Variants in CARD8 observed in about 807,000 individuals in gnomAD.
CARD8 encodes the protein caspase recruitment domain-containing protein 8.
A neutral mutation model predicts 53.2 loss-of-function variants in CARD8; 38 were observed. That is an observed-to-expected ratio of 0.71 (90% CI 0.55 to 0.94). The LOEUF (loss-of-function observed/expected upper bound fraction) is 0.94, where lower values mean the gene tolerates loss of function less well. Ranked by LOEUF, CARD8 falls within the 40% of genes least tolerant of loss-of-function variation. The probability of loss-of-function intolerance (pLI) is 0.00; values close to 1 mark genes in which losing one functional copy is unlikely to be tolerated. For synonymous variants in CARD8, 245 were observed against 244.9 expected, an observed-to-expected ratio of 1.00 and a Z score of 0.00; for missense variants, 561 against 655.5, an observed-to-expected ratio of 0.86 and a Z score of 1.57.
chr19:48,218,201 A>G (rs1423945892), intron 12 of CARD8, among the ~76,000 whole-genome samples: 2 of 151,666 alleles, frequency 1.3e-5, no homozygotes. Context: ...TTTTATTCAA[A>G]CTATTTTTTT....
intron 10 of CARD8, among the ~76,000 whole-genome samples, chr19:48,229,407 G>A (rs772196523): frequency 4.6e-5 from 7 of 152,156 alleles, no homozygotes; most frequent in Non-Finnish European, 8.8e-5. Flanking sequence ...AGAATTCACT[G>A]GAATGTATGT....
In CARD8 at chr19:48,220,987, AAG is replaced by A. The variant is rs1568696754; in HGVS notation, c.1161+741_1161+742del. Among the ~76,000 whole-genome samples, 318 of 101,272 alleles carry A rather than the reference AAG, an allele frequency of 3.1e-3. 3 individuals carry two copies. The highest frequency in any genetic ancestry group is 8.4e-3 in the African/African-American group (219 of 25,990). The allele number at this position is 101,272 out of a possible 152,430, so 66.4% of individuals were successfully genotyped here. A position where few individuals can be genotyped will look rare whatever the true frequency, so the allele number is the denominator to read the frequency against. On this transcript the variant is annotated intron_variant, in intron 11 of 13. Transcript: ENST00000651546. Reference sequence around the variant, plus strand: ...GAAGGAAGGAAGGAAGGAAGGAAGGAAGGAAGGAAAGAAAGAAAGAAAAAGAA... The same window carrying A: ...GAAGGAAGGAAGGAAGGAAGGAAGGAGAAGGAAAGAAAGAAAGAAAAAGAA...
chr19:48,213,921 CT>C (rs2038609566), intron 13 of CARD8, among the ~76,000 whole-genome samples: 1 of 152,198 alleles, frequency 6.6e-6, no homozygotes, highest in Non-Finnish European at 1.5e-5. Flanking sequence ...AACTTTTATT[CT>C]TGGACTTTCA....
intron 13 of CARD8, 76 bp from the exon 14 acceptor site, chr19:48,212,051 C>T: frequency 7.1e-7 from 1 of 1,407,970 alleles, no homozygotes; most frequent in Non-Finnish European, 9.7e-7. Flanking sequence ...AGCTTAGAGT[C>T]AAAATTCAGG....
chr19:48,218,384 T>C (rs1281540905), intron 12 of CARD8, among the ~76,000 whole-genome samples: 1 of 146,830 alleles, frequency 6.8e-6, no homozygotes, highest in Admixed American at 7.0e-5. Context: ...TCAGATGGAG[T>C]TTCGCTCTTA....
rs1295810479 is a variant in CARD8 at position 48,241,014 on chromosome 19, T to C, written c.7A>G (p.Lys3Glu). ME[K>E]KECPEKSSSS... ...CTACTCTTTTCTGGACACTCCTTTT[T>C]TTCCATTTGTCAAATGTGGTATTTA... Residue 3 changes from lysine to glutamate, a missense_variant, in exon 4 of 14, where the codon AAA becomes GAA. Coordinates refer to ENST00000651546, the MANE Select transcript of CARD8 (RefSeq NM_001184900.3). 1.3e-6 allele frequency: 2 copies of C among 1,535,956 alleles called. No homozygotes were observed. The highest frequency in any genetic ancestry group is 2.4e-5 in the East Asian group (1 of 41,046).
At chr19:48,255,720 G>C (rs1335931650) in intron 1 of CARD8, 72 bp downstream of exon 1, 1 of 152,184 alleles carries the variant, frequency 6.6e-6, no homozygotes, top group Admixed American at 6.5e-5. Flanking sequence ...ACAGAACACA[G>C]AGCAGCCTGG....
At chr19:48,206,491 T>C (rs770473258), downstream of CARD8, 7 of 461,560 alleles carry the variant, frequency 1.5e-5, no homozygotes, top group East Asian at 1.4e-4. Context: ...CTAGGCAAGA[T>C]TGGGCAGCAT....
At chr19:48,218,447 T>C (rs563029292) in intron 12 of CARD8, among the ~76,000 whole-genome samples, 45 of 149,778 alleles carry the variant, frequency 3.0e-4, no homozygotes, top group Non-Finnish European at 4.0e-4. Context: ...AACCCCCTCC[T>C]GGGTTCAGGT....
At chr19:48,213,675 A>G (rs1412152079) in intron 13 of CARD8, among the ~76,000 whole-genome samples, 1 of 152,022 alleles carries the variant, frequency 6.6e-6, no homozygotes, top group Non-Finnish European at 1.5e-5. Context: ...CACCCAGCCA[A>G]CTCTTTATAT....
chr19:48,245,905 G>A (rs6509367), intron 3 of CARD8, among the ~76,000 whole-genome samples: 37,973 of 148,596 alleles, frequency 0.26, 5,602 homozygotes, highest in African/African-American at 0.4. Flanking sequence ...ATTGTAATAT[G>A]ATAATTACAT....
rs536857328 is a variant in CARD8 at position 48,230,603 on chromosome 19, G to A, written c.870C>T (p.Val290=). 2.5e-6 allele frequency: 4 copies of A among 1,614,150 alleles called. No homozygotes were observed. Among genetic ancestry groups the A allele is most frequent in the Non-Finnish European group, 3.4e-6 (4 of 1,180,032 alleles). The stretch of plus-strand genomic sequence containing the variant: ...TCAGAGAGAAGCTGGGGCTTTCCAG[G>A]ACAGCATAGAAAGGCTCCACCCGGG... The part of the protein sequence containing the change: ...HPARVEPFYA[V]LESPSFSLMG... The change falls in exon 10 of 14, where the codon GTC becomes GTT. Residue 290 remains valine (V), a synonymous_variant. Transcript: ENST00000651546.
rs1212316585 is a variant in CARD8 at position 48,238,431 on chromosome 19, G to C, written c.161C>G (p.Thr54Arg). 4 of 1,536,046 alleles carry C rather than the reference G, an allele frequency of 2.6e-6. No individual in the cohort carries two copies. In the Admixed American group the frequency reaches 7.8e-5, roughly 30 times the overall value. The change falls in exon 5 of 14, where the codon ACA becomes AGA. Residue 54 changes from threonine to arginine, a missense_variant. Physicochemically the swap from Thr to Arg is moderately conservative, Grantham distance 71. Coordinates refer to ENST00000651546, the MANE Select transcript of CARD8 (RefSeq NM_001184900.3). The part of the protein sequence containing the change: ...VDNSIRELQY[T>R]KTGIFFQAEA... Reference sequence around the variant, plus strand: ...AGCCTGAAAAAAAATTCCAGTTTTTGTGTATTGCAGTTCCCGTATGCTATT... The same window carrying C: ...AGCCTGAAAAAAAATTCCAGTTTTTCTGTATTGCAGTTCCCGTATGCTATT...
intron 12 of CARD8, among the ~76,000 whole-genome samples, 163 bp downstream of exon 12, chr19:48,218,708 T>A (rs1394533104): frequency 6.6e-6 from 1 of 152,080 alleles, no homozygotes; most frequent in East Asian, 1.9e-4. Context: ...AAGGCCCCAG[T>A]GTGTGTTGTT....
Position 48,232,512 on chromosome 19 carries a change from AT to A in CARD8, c.351-20del. ...TGATACACTGGAGGTTGGGATCCCCATGTTACAAAAAGATGAAAAACATCAA... is the reference window on the plus strand; with the variant it reads ...TGATACACTGGAGGTTGGGATCCCCAGTTACAAAAAGATGAAAAACATCAA... On this transcript the variant is annotated intron_variant, in intron 6 of 13. Transcript: ENST00000651546. 1 of 1,534,120 alleles carries A rather than the reference AT, an allele frequency of 6.5e-7. No individual in the cohort carries two copies. Among genetic ancestry groups the A allele is most frequent in the South Asian group, 1.2e-5 (1 of 84,006 alleles).
chr19:48,232,750 C>A, intron 6 of CARD8: 1 of 626,992 alleles, frequency 1.6e-6, no homozygotes. Context: ...GGAACACTCC[C>A]GTCATCACAG....
intron 9 of CARD8, 32 bp downstream of exon 9, chr19:48,230,745 G>A (rs755425697): frequency 1.4e-5 from 23 of 1,612,668 alleles, no homozygotes; most frequent in African/African-American, 1.3e-5. Context: ...GCACCCCAGC[G>A]GCCCCCACAG....
chr19:48,245,652 A>G (rs1265545862), intron 3 of CARD8, among the ~76,000 whole-genome samples: 1 of 151,942 alleles, frequency 6.6e-6, no homozygotes, highest in Non-Finnish European at 1.5e-5. Context: ...CATGACCCAT[A>G]TAATGCTTTT....
chr19:48,204,092 C>T (rs1218265598), downstream of CARD8: 1 of 448,428 alleles, frequency 2.2e-6, no homozygotes, highest in East Asian at 7.1e-5. Context: ...ATTGTGGGGC[C>T]CGCTTGGATC....
Sources: gnomAD v4.1 joint callset for allele counts (sites outside exome capture counted in the v4.1 genomes callset) on GRCh38, gnomAD v4.1.1 for gene constraint, MANE v1.5 for transcripts, NCBI Gene and HGNC (gene_info 2026-07-23, HGNC 2026-07-21) for gene names.